The following RUFY1 variants were observed in gnomAD, a reference collection of about 807,000 sequenced individuals.
RUFY1 encodes RUN and FYVE domain-containing protein 1.
RUFY1 carries 54 observed loss-of-function variants against 94.6 expected under a neutral mutation model. The ratio of observed to expected loss-of-function variants is 0.57; its 90% CI spans 0.46 to 0.72. The LOEUF is 0.72. RUFY1 is among the 30% of genes least tolerant of loss of function. The pLI, the probability that RUFY1 is intolerant of heterozygous loss-of-function variation, is 0.00. For synonymous variants in RUFY1, 396 were observed against 347.3 expected, an observed-to-expected ratio of 1.14 and a Z score of -1.56; for missense variants, 883 against 883.9, an observed-to-expected ratio of 1.00 and a Z score of 0.01.
chr5:179,577,673 G>A (rs7732888), intron 6 of RUFY1, among the ~76,000 whole-genome samples: 45,401 of 140,750 alleles, frequency 0.32, 8,030 homozygotes, highest in Non-Finnish European at 0.37. Flanking sequence ...TCAGCCGAAA[G>A]AGCAAATCCG....
At chr5:179,607,983 C>T (rs537269687) in intron 17 of RUFY1, among the ~76,000 whole-genome samples, 44 of 152,228 alleles carry the variant, frequency 2.9e-4, no homozygotes, top group Non-Finnish European at 3.8e-4. Context: ...TCTCTGTATG[C>T]GGCAGGAACA....
chr5:179,609,712 C>T lies in RUFY1; in HGVS notation c.*193C>T, dbSNP rs1388392717. On this transcript the variant is annotated 3_prime_UTR_variant, in exon 18 of 18. Transcript: ENST00000319449. ...TTCTGTGACTTGTTCGGAATTAACT[C>T]CTCTGGATGGAAACTTCCATCTTAC... 1 of 526,512 alleles carries T rather than the reference C, an allele frequency of 1.9e-6. No homozygotes were observed. The highest frequency in any genetic ancestry group is 2.9e-5 in the South Asian group (1 of 34,388). 32.6% of individuals were successfully genotyped at this position (526,512 alleles called of 1,614,324 possible).
At chr5:179,554,962 G>A (rs1762036352) in intron 1 of RUFY1, among the ~76,000 whole-genome samples, 1 of 150,562 alleles carries the variant, frequency 6.6e-6, no homozygotes, top group Non-Finnish European at 1.5e-5. Context: ...GCAAAATTCT[G>A]TCTCAAAAAA....
rs527996190 is a variant in RUFY1, at chr5:179,562,453, C to T, written c.485-94C>T. 16 of 734,988 alleles carry T rather than the reference C, an allele frequency of 2.2e-5. No homozygotes were observed. The South Asian group carries it at 2.2e-4, about 10-fold the overall frequency. The allele number at this position is 734,988 out of a possible 1,614,324, so 45.5% of individuals were successfully genotyped here. A position where few individuals can be genotyped will look rare whatever the true frequency, so the allele number is the denominator to read the frequency against. ...TTAAGCAGTGAAGTTTAGCAGCTTT[C>T]ACTTCCACTTGGCTTTTGTGGGGAG... On this transcript the variant is annotated intron_variant, in intron 2 of 17. Coordinates refer to ENST00000319449, the MANE Select transcript of RUFY1 (RefSeq NM_025158.5).
At chr5:179,593,161 C>T (rs1328708777) in intron 10 of RUFY1, among the ~76,000 whole-genome samples, 7 of 152,132 alleles carry the variant, frequency 4.6e-5, no homozygotes, top group Non-Finnish European at 8.8e-5. Context: ...CTGCAGCCTC[C>T]GCCTCCCGGA....
At chr5:179,554,951 A>G (rs927713953) in intron 1 of RUFY1, among the ~76,000 whole-genome samples, 1 of 151,796 alleles carries the variant, frequency 6.6e-6, no homozygotes, top group African/African-American at 2.4e-5. Flanking sequence ...CTGGGTGACG[A>G]GCAAAATTCT....
intron 14 of RUFY1, among the ~76,000 whole-genome samples, chr5:179,600,597 T>G (rs1314442525): frequency 6.6e-6 from 1 of 152,194 alleles, no homozygotes; most frequent in Non-Finnish European, 1.5e-5. Flanking sequence ...TCTATAGATT[T>G]TTTGAGATAG....
At chr5:179,552,443 G>C (rs1298869465) in intron 1 of RUFY1, among the ~76,000 whole-genome samples, 2 of 152,120 alleles carry the variant, frequency 1.3e-5, no homozygotes, top group African/African-American at 4.8e-5. Flanking sequence ...ATTTTCAGTG[G>C]TCAAGAATAA....
chr5:179,554,588 G>T (rs918890185), intron 1 of RUFY1, among the ~76,000 whole-genome samples: 1 of 151,898 alleles, frequency 6.6e-6, no homozygotes. Flanking sequence ...GTATGTGATT[G>T]TATTGTCCAT....
chr5:179,567,425 T>A, intron 3 of RUFY1, 36 bp from the exon 4 acceptor site: 1 of 1,495,062 alleles, frequency 6.7e-7, no homozygotes, highest in Non-Finnish European at 9.3e-7. Context: ...TTGTTGTTGT[T>A]ATGCCACAAT....
chr5:179,550,926 C>G, intron 1 of RUFY1, 47 bp downstream of exon 1: 1 of 1,048,104 alleles, frequency 9.5e-7, no homozygotes, highest in Non-Finnish European at 1.1e-6. Context: ...CGTGTCCCCG[C>G]TGGCCGCCGG....
chr5:179,568,964 T>C lies in RUFY1; in HGVS notation c.705-338T>C, dbSNP rs550206115. ...GTTTATATCAGCATAAGTGGAGAAG[T>C]AATTCATATCAACACAGAACAGGAG... On this transcript the variant is annotated intron_variant, in intron 4 of 17. Transcript: ENST00000319449. The C allele has an allele frequency of 5.9e-6, 5 of 847,494 alleles. No homozygotes were observed. In the East Asian group the frequency reaches 6.2e-4, roughly 104 times the overall value. 52.5% of individuals were successfully genotyped at this position (847,494 alleles called of 1,614,324 possible). A position where few individuals can be genotyped will look rare whatever the true frequency, so the allele number is the denominator to read the frequency against.
rs1761784880 is a variant in RUFY1, at chr5:179,550,744, G to A, written c.175G>A (p.Ala59Thr). The change falls in exon 1 of 18, where the codon GCC becomes ACC. Residue 59 changes from alanine (A) to threonine (T), a missense_variant. By Grantham distance (58) the Ala-to-Thr change is moderately conservative. Coordinates refer to ENST00000319449, the MANE Select transcript of RUFY1 (RefSeq NM_025158.5). ...DLRSATRPRA[A>T]EGWSAPILTL... ...GCGGAGCGCAACGAGGCCGCGGGCG[G>A]CCGAGGGCTGGTCGGCGCCCATCCT... The A allele has an allele frequency of 6.9e-7, 1 of 1,455,368 alleles. No individual in the cohort carries two copies. The highest frequency in any genetic ancestry group is 9.1e-7 in the Non-Finnish European group (1 of 1,104,936). The allele number at this position is 1,455,368 out of a possible 1,614,324, so 90.2% of individuals were successfully genotyped here.
Position 179,591,686 on chromosome 5 carries a change from A to G in RUFY1, c.1190A>G (p.Asp397Gly). The G allele has an allele frequency of 6.2e-7, 1 of 1,613,644 alleles. No individual in the cohort carries two copies. Among genetic ancestry groups the G allele is most frequent in the Non-Finnish European group, 8.5e-7 (1 of 1,179,908 alleles). Residue 397 changes from aspartate to glycine, a missense_variant, in exon 10 of 18, where the codon GAT (aspartate) becomes GGT (glycine). Coordinates refer to ENST00000319449, the MANE Select transcript of RUFY1 (RefSeq NM_025158.5). ...TACAAGCAAACTCGGCAAGGTCTGGATGAAATGTACAGTGATGTGTGGAAG... is the reference window on the plus strand; with the variant it reads ...TACAAGCAAACTCGGCAAGGTCTGGGTGAAATGTACAGTGATGTGTGGAAG... ...ETYKQTRQGL[D>G]EMYSDVWKQL...
At chr5:179,607,100 A>G (rs13179141) in intron 16 of RUFY1, 13,379 of 172,316 alleles carry the variant, frequency 0.078, 589 homozygotes, top group Middle Eastern at 0.12. Flanking sequence ...TGTGGGACGC[A>G]GTGCCCGCTG....
chr5:179,581,399 C>T (rs1764146757), intron 7 of RUFY1, among the ~76,000 whole-genome samples: 1 of 151,570 alleles, frequency 6.6e-6, no homozygotes, highest in East Asian at 1.9e-4. Context: ...CTAGGCCCTC[C>T]AGAGCAATGT....
intron 6 of RUFY1, 100 bp downstream of exon 6, chr5:179,577,236 G>C: frequency 4.1e-6 from 3 of 734,964 alleles, no homozygotes; most frequent in Non-Finnish European, 6.4e-6. Flanking sequence ...CAGTGGCACA[G>C]TCTTGGCTCA....
chr5:179,608,513 AG>A (rs1203231670), intron 17 of RUFY1: 1 of 985,576 alleles, frequency 1.0e-6, no homozygotes, highest in Non-Finnish European at 1.2e-6. Context: ...CTGTTTAGAA[AG>A]GGATCTACTC....
intron 10 of RUFY1, 114 bp downstream of exon 10, chr5:179,591,855 G>T: frequency 1.6e-6 from 1 of 628,976 alleles, no homozygotes; most frequent in Non-Finnish European, 2.6e-6. Flanking sequence ...GTCAGAAGCT[G>T]TTCATTAAAA....
Sources: gnomAD v4.1 joint callset for allele counts (sites outside exome capture counted in the v4.1 genomes callset) on GRCh38, gnomAD v4.1.1 for gene constraint, MANE v1.5 for transcripts, NCBI Gene and HGNC (gene_info 2026-07-23, HGNC 2026-07-21) for gene names.